SELENOF: variants seen among roughly 807,000 people sequenced by gnomAD.
SELENOF encodes 15 kDa selenoprotein.
Under a neutral mutation model 20.5 loss-of-function variants are expected in SELENOF, and 16 were observed. That is an observed-to-expected ratio of 0.78 (90% CI 0.53 to 1.19). The LOEUF (loss-of-function observed/expected upper bound fraction) is 1.19, where lower values mean the gene tolerates loss of function less well. SELENOF is among the 50% of genes most tolerant of loss of function. The pLI is 0.00. For missense variants in SELENOF, 215 were observed against 194.2 expected, an observed-to-expected ratio of 1.11 and a Z score of -0.64; for synonymous variants, 78 against 74.5, an observed-to-expected ratio of 1.05 and a Z score of -0.24.
chr1:86,882,005 G>A (rs1470949573), intron 2 of SELENOF, among the ~76,000 whole-genome samples: 1 of 152,064 alleles, frequency 6.6e-6, no homozygotes, highest in African/African-American at 2.4e-5. Flanking sequence ...AGGCTGAGGT[G>A]GGCGGATCAC....
At chr1:86,883,971 A>G (rs925436762) in intron 2 of SELENOF, among the ~76,000 whole-genome samples, 4 of 152,186 alleles carry the variant, frequency 2.6e-5, no homozygotes, top group African/African-American at 9.6e-5. Context: ...TTTCAAAAAA[A>G]CTTTTGTTGA....
chr1:86,882,620 G>GA (rs1271663842), intron 2 of SELENOF, among the ~76,000 whole-genome samples: 3 of 151,928 alleles, frequency 2.0e-5, no homozygotes, highest in African/African-American at 7.3e-5. Flanking sequence ...ATTAAAAATA[G>GA]AATTACCATA....
intron 1 of SELENOF, among the ~76,000 whole-genome samples, chr1:86,910,100 G>A (rs948014883): frequency 6.6e-6 from 1 of 152,254 alleles, no homozygotes; most frequent in African/African-American, 2.4e-5. Flanking sequence ...TCTTAGTTCA[G>A]GGAGAAAGAG....
chr1:86,869,812 T>G (rs1658711590), intron 3 of SELENOF, among the ~76,000 whole-genome samples: 1 of 152,028 alleles, frequency 6.6e-6, no homozygotes, highest in Non-Finnish European at 1.5e-5. Flanking sequence ...AGCCTCGGTC[T>G]TGCCCAGGCT....
chr1:86,910,896 T>C (rs562747461), intron 1 of SELENOF, among the ~76,000 whole-genome samples: 8 of 152,196 alleles, frequency 5.3e-5, no homozygotes, highest in Non-Finnish European at 1.2e-4. Context: ...TGAAGGTAAC[T>C]GAAGCTGATT....
At position 86,913,158 on chromosome 1, in the gene SELENOF, G is replaced by A. The variant is rs1187094884; in HGVS notation, c.84+870C>T. ...AGTACAGGTGTTCATAGAGGACTCC[G>A]GTGTAGTCCCTTAACACCCTCAACC... is the stretch of plus-strand genomic sequence containing the variant. On this transcript the variant is annotated intron_variant, in intron 1 of 4. Coordinates refer to ENST00000331835, the MANE Select transcript of SELENOF (RefSeq NM_004261.5). Among the ~76,000 whole-genome samples, 8 of 152,074 alleles carry A rather than the reference G, an allele frequency of 5.3e-5. No homozygotes were observed. In the East Asian group the frequency reaches 1.2e-3, roughly 22 times the overall value.
intron 2 of SELENOF, among the ~76,000 whole-genome samples, chr1:86,896,478 A>C (rs543189175): frequency 6.6e-6 from 1 of 152,322 alleles, no homozygotes; most frequent in Middle Eastern, 3.4e-3. Context: ...AATCTTACAG[A>C]TCTTAGAAAA....
chr1:86,901,898 G>A (rs1185373640), intron 2 of SELENOF, among the ~76,000 whole-genome samples: 1 of 152,154 alleles, frequency 6.6e-6, no homozygotes, highest in Non-Finnish European at 1.5e-5. Flanking sequence ...AATCACAAGG[G>A]GGTGTGTGTG....
intron 3 of SELENOF, among the ~76,000 whole-genome samples, chr1:86,878,259 T>C (rs1019583879): frequency 6.6e-6 from 1 of 152,256 alleles, no homozygotes; most frequent in Non-Finnish European, 1.5e-5. Context: ...TTAACATTAA[T>C]TTACTCTTGT....
At position 86,895,773 on chromosome 1, in the gene SELENOF, T is replaced by C. The variant is rs1001206713; in HGVS notation, c.252+7508A>G. Reference sequence around the variant, plus strand: ...AGAGGTGCTCTGGTTTGGTACCAGCTTGACCTTCAGAATAGTAGTTCAGAA... The same window carrying C: ...AGAGGTGCTCTGGTTTGGTACCAGCCTGACCTTCAGAATAGTAGTTCAGAA... On this transcript the variant is annotated intron_variant, in intron 2 of 4. Coordinates refer to ENST00000331835, the MANE Select transcript of SELENOF (RefSeq NM_004261.5). Among the ~76,000 whole-genome samples the C allele has an allele frequency of 3.3e-5, 5 of 152,340 alleles. No individual in the cohort carries two copies. The South Asian group carries it at 6.2e-4, about 19-fold the overall frequency.
intron 3 of SELENOF, among the ~76,000 whole-genome samples, chr1:86,870,947 CT>C (rs1044103431): frequency 6.6e-6 from 1 of 151,870 alleles, no homozygotes; most frequent in African/African-American, 2.4e-5. Flanking sequence ...TTTTAACAGA[CT>C]GCAATAAGTG....
At chr1:86,904,080 A>T (rs2102127131) in intron 1 of SELENOF, among the ~76,000 whole-genome samples, 1 of 152,342 alleles carries the variant, frequency 6.6e-6, no homozygotes, top group South Asian at 2.1e-4. Flanking sequence ...GAATTTTCTT[A>T]TAAGAAAAAA....
intron 2 of SELENOF, among the ~76,000 whole-genome samples, chr1:86,884,891 C>A (rs1041971923): frequency 2.6e-5 from 4 of 152,164 alleles, no homozygotes; most frequent in African/African-American, 9.7e-5. Flanking sequence ...GAACGATACA[C>A]AAACTGCATC....
chr1:86,865,528 C>T (rs79925294), intron 4 of SELENOF, among the ~76,000 whole-genome samples: 3,872 of 152,200 alleles, frequency 0.025, 86 homozygotes, highest in African/African-American at 0.056. Flanking sequence ...AAATGTTCAA[C>T]ACCATTTATT....
intron 2 of SELENOF, among the ~76,000 whole-genome samples, chr1:86,892,385 T>C (rs1659413382): frequency 6.6e-6 from 1 of 152,248 alleles, no homozygotes; most frequent in African/African-American, 2.4e-5. Context: ...GTTAAAGACA[T>C]TTAGATTTTT....
chr1:86,873,623 G>A (rs1348420751), intron 3 of SELENOF, among the ~76,000 whole-genome samples: 1 of 152,168 alleles, frequency 6.6e-6, no homozygotes, highest in Non-Finnish European at 1.5e-5. Context: ...GGCTGAGGCA[G>A]GCAGATCACC....
intron 2 of SELENOF, among the ~76,000 whole-genome samples, chr1:86,900,904 C>G (rs1267473023): frequency 6.6e-6 from 1 of 151,984 alleles, no homozygotes; most frequent in Non-Finnish European, 1.5e-5. Context: ...ATATATGTAT[C>G]TTTTTTGAGT....
chr1:86,883,397 T>C (rs1430607601), intron 2 of SELENOF, among the ~76,000 whole-genome samples: 3 of 152,134 alleles, frequency 2.0e-5, no homozygotes, highest in Admixed American at 6.5e-5. Flanking sequence ...CTTAATGCCA[T>C]AGCACTCTAC....
At chr1:86,870,782 C>A (rs918073240) in intron 3 of SELENOF, among the ~76,000 whole-genome samples, 1 of 152,118 alleles carries the variant, frequency 6.6e-6, no homozygotes, top group East Asian at 1.9e-4. Context: ...CCACGCACAG[C>A]TAATTTTTTT....
Sources: allele counts gnomAD v4.1 joint callset (sites outside exome capture counted in the v4.1 genomes callset), GRCh38; gene constraint gnomAD v4.1.1; transcripts MANE v1.5; gene names NCBI Gene and HGNC (gene_info 2026-07-23, HGNC 2026-07-21).